Variants in CDH4 observed in about 807,000 individuals in gnomAD.
CDH4 encodes the protein cadherin-4.
A neutral mutation model predicts 86.0 loss-of-function variants in CDH4; 33 were observed. The observed-to-expected ratio is 0.38, with a 90% CI of 0.29 to 0.51. CDH4 has a LOEUF of 0.51. Among genes scored for constraint, CDH4 ranks in the 20% least tolerant of loss-of-function variants. The pLI is 0.86. For missense variants in CDH4, 1,114 were observed against 1,307.4 expected (o/e 0.85, Z 2.28); for synonymous variants, 555 against 549.4 (o/e 1.01, Z -0.14).
intron 2 of CDH4, among the ~76,000 whole-genome samples, chr20:61,611,700 C>G (rs537644841): frequency 6.6e-6 from 1 of 152,152 alleles, no homozygotes; most frequent in African/African-American, 2.4e-5. Flanking sequence ...GTTGCACGCT[C>G]AGGCCAAACG....
intron 4 of CDH4, among the ~76,000 whole-genome samples, chr20:61,806,575 G>GCACACACATGTCCACGCGCACGCA (rs1568826571): frequency 5.3e-5 from 8 of 151,672 alleles, no homozygotes; most frequent in South Asian, 2.1e-4. Flanking sequence ...CCACGCGCAC[G>GCACACACATGTCCACGCGCACGCA]CACACACACA....
intron 2 of CDH4, among the ~76,000 whole-genome samples, chr20:61,478,573 A>G (rs566787125): frequency 6.6e-6 from 1 of 151,888 alleles, no homozygotes; most frequent in East Asian, 1.9e-4. Flanking sequence ...GTGTAGATTA[A>G]CCTCTAGGGC....
chr20:61,516,548 C>T lies in CDH4; in HGVS notation c.170-227015C>T, dbSNP rs2085822533. 6.6e-6 allele frequency among the ~76,000 whole-genome samples: 1 copy of T among 152,176 alleles called. No homozygotes were observed. The highest frequency in any genetic ancestry group is 2.1e-4 in the South Asian group (1 of 4,828). ...TCACCGCCCTGGAAACTACATCTGC[C>T]TCAGACCTGCCCCCCTGAGTCACAG... is the stretch of plus-strand genomic sequence containing the variant. On this transcript the variant is annotated intron_variant, in intron 2 of 15. Coordinates refer to ENST00000614565, the MANE Select transcript of CDH4 (RefSeq NM_001794.5). This position sits in a 1 kb window ranked among gnomAD's most constrained non-coding sequence, Gnocchi z 4.0.
At chr20:61,759,671 A>G (rs2088609007) in intron 3 of CDH4, among the ~76,000 whole-genome samples, 1 of 151,850 alleles carries the variant, frequency 6.6e-6, no homozygotes, top group Non-Finnish European at 1.5e-5. Context: ...TTTTTTTACT[A>G]TGAATATATT....
chr20:61,534,665 C>CTTTTTTTTT lies in CDH4; in HGVS notation c.170-208884_170-208876dup, dbSNP rs34309371. Among the ~76,000 whole-genome samples, 117 of 75,966 alleles carry CTTTTTTTTT rather than the reference C, an allele frequency of 1.5e-3. 4 individuals are homozygous for CTTTTTTTTT. The highest frequency in any genetic ancestry group is 7.3e-3 in the African/African-American group (68 of 9,314). 49.8% of individuals were successfully genotyped at this position (75,966 alleles called of 152,430 possible). A position where few individuals can be genotyped will look rare whatever the true frequency, so the allele number is the denominator to read the frequency against. On this transcript the variant is annotated intron_variant, in intron 2 of 15. Transcript: ENST00000614565. ...CTTTCTTTCTTTTCTTTCTTTCTTTCTTTTTTTTTTTTTTTTTTTTTTGAG... is the reference window on the plus strand; with the variant it reads ...CTTTCTTTCTTTTCTTTCTTTCTTTCTTTTTTTTTTTTTTTTTTTTTTTTTTTTTTTGAG...
At chr20:61,863,351 G>A (rs998853584) in intron 6 of CDH4, among the ~76,000 whole-genome samples, 1 of 152,182 alleles carries the variant, frequency 6.6e-6, no homozygotes, top group Non-Finnish European at 1.5e-5. Context: ...TCTGTCTGCT[G>A]GGGGAGAAGG....
chr20:61,629,043 C>T (rs578000311), intron 2 of CDH4, among the ~76,000 whole-genome samples: 7 of 152,372 alleles, frequency 4.6e-5, no homozygotes, highest in South Asian at 2.1e-4. Flanking sequence ...GCTCTCTCTG[C>T]GGGAGCCGCC....
intron 2 of CDH4, among the ~76,000 whole-genome samples, chr20:61,440,096 T>C (rs1028910017): frequency 1.3e-5 from 2 of 152,222 alleles, no homozygotes; most frequent in African/African-American, 4.8e-5. Flanking sequence ...AATGCAAACA[T>C]GCAGGATTTC....
intron 4 of CDH4, among the ~76,000 whole-genome samples, chr20:61,809,755 G>C (rs1021113806): frequency 6.6e-6 from 1 of 152,212 alleles, no homozygotes; most frequent in African/African-American, 2.4e-5. Flanking sequence ...TTGCTGGGAG[G>C]CTGTTTGGAC....
chr20:61,652,938 A>ATTTTTTTATTTTTTTTTTTTTTTTTTTT (rs1555819717), intron 2 of CDH4, among the ~76,000 whole-genome samples: 1 of 97,402 alleles, frequency 1.0e-5, no homozygotes, highest in African/African-American at 3.4e-5. Flanking sequence ...TTATTTATTT[A>ATTTTTTTATTTTTTTTTTTTTTTTTTTT]TTTTTTTTTT....
At chr20:61,568,572 G>A (rs189922072) in intron 2 of CDH4, among the ~76,000 whole-genome samples, 1 of 152,212 alleles carries the variant, frequency 6.6e-6, no homozygotes, top group Non-Finnish European at 1.5e-5. Flanking sequence ...ATGATGTCTG[G>A]AGGATACTAC....
Position 61,579,269 on chromosome 20 carries a change from A to G in CDH4, c.170-164294A>G, listed in dbSNP as rs1045830684. On this transcript the variant is annotated intron_variant, in intron 2 of 15. Coordinates refer to ENST00000614565, the MANE Select transcript of CDH4 (RefSeq NM_001794.5). ...CAGGCAGTCGGGGAGTTGCCTCTAA[A>G]TCTCCCTCGATGGAGATTTTTTTTT... is the stretch of plus-strand genomic sequence containing the variant. Among the ~76,000 whole-genome samples the G allele has an allele frequency of 4.0e-5, 6 of 149,250 alleles. No homozygotes were observed. In the South Asian group the frequency reaches 1.3e-3, roughly 32 times the overall value.
intron 2 of CDH4, among the ~76,000 whole-genome samples, chr20:61,384,774 T>TA: frequency 7.1e-6 from 1 of 140,690 alleles, no homozygotes; most frequent in Non-Finnish European, 1.6e-5. Context: ...TTCAGCTTCT[T>TA]TTTTTATACT....
At chr20:61,627,241 C>T (rs878882565) in intron 2 of CDH4, among the ~76,000 whole-genome samples, 5 of 152,176 alleles carry the variant, frequency 3.3e-5, no homozygotes, top group East Asian at 1.9e-4. Context: ...ACCAGGGAAC[C>T]GTCTGCTGGA....
intron 2 of CDH4, among the ~76,000 whole-genome samples, chr20:61,646,146 C>T (rs2087058837): frequency 6.6e-6 from 1 of 152,056 alleles, no homozygotes; most frequent in Non-Finnish European, 1.5e-5. Context: ...CTCAGAGGAC[C>T]GAGCATGCAG....
chr20:61,405,062 TCCC>T (rs2085073827), intron 2 of CDH4, among the ~76,000 whole-genome samples: 1 of 152,020 alleles, frequency 6.6e-6, no homozygotes, highest in South Asian at 2.1e-4. Flanking sequence ...AAGAAAAAGC[TCCC>T]TTATTTCTAC....
At chr20:61,317,576 G>A (rs2084483565) in intron 2 of CDH4, among the ~76,000 whole-genome samples, 3 of 152,140 alleles carry the variant, frequency 2.0e-5, no homozygotes, top group South Asian at 2.1e-4. Flanking sequence ...ACAGGCATGG[G>A]GGGCTGGATG....
intron 2 of CDH4, among the ~76,000 whole-genome samples, chr20:61,279,353 C>T (rs1367276146): frequency 6.6e-6 from 1 of 152,206 alleles, no homozygotes; most frequent in East Asian, 1.9e-4. Flanking sequence ...CCTACCGAGC[C>T]TCCTCCCAGG....
chr20:61,673,114 C>T (rs1487493964), intron 2 of CDH4, among the ~76,000 whole-genome samples: 1 of 152,146 alleles, frequency 6.6e-6, no homozygotes, highest in African/African-American at 2.4e-5. Context: ...ACTGGAAAGA[C>T]AAGGAAGGGC....
Sources: gnomAD v4.1 joint callset for allele counts (sites outside exome capture counted in the v4.1 genomes callset) on GRCh38, gnomAD v4.1.1 for gene constraint, Gnocchi (gnomAD v3.1) non-coding constraint, MANE v1.5 for transcripts, NCBI Gene and HGNC (gene_info 2026-07-23, HGNC 2026-07-21) for gene names.